The following TULP4 variants were observed in gnomAD, a reference collection of about 807,000 sequenced individuals.
TULP4 encodes tubby-related protein 4.
Under a neutral mutation model 129.0 loss-of-function variants are expected in TULP4, and 16 were observed. The observed-to-expected ratio is 0.12, with a 90% CI of 0.08 to 0.19. The LOEUF (loss-of-function observed/expected upper bound fraction) is 0.19, where lower values mean the gene tolerates loss of function less well. Among genes scored for constraint, TULP4 ranks in the 10% least tolerant of loss-of-function variants. TULP4 has a pLI of 1.00. For synonymous variants in TULP4, 998 were observed against 854.0 expected, an observed-to-expected ratio of 1.17 and a Z score of -2.94; for missense variants, 1,842 against 2,059.1, an observed-to-expected ratio of 0.89 and a Z score of 2.04.
Position 158,498,725 on chromosome 6 carries a change from C to T in TULP4, c.1927C>T (p.Pro643Ser). The change falls in exon 12 of 14, where the codon CCA becomes TCA. Residue 643 changes from proline to serine, a missense_variant. Transcript: ENST00000367097. Reference sequence around the variant, plus strand: ...GCCGCGGCAGATGACCATTTATCTCCCAGAAGTTCGGAAAATTTCCATGGA... The same window carrying T: ...GCCGCGGCAGATGACCATTTATCTCTCAGAAGTTCGGAAAATTTCCATGGA... ...LQPRQMTIYL[P>S]EVRKISMDYI... 1 of 1,614,176 alleles carries T rather than the reference C, an allele frequency of 6.2e-7. No individual in the cohort carries two copies. Among genetic ancestry groups the T allele is most frequent in the Non-Finnish European group, 8.5e-7 (1 of 1,180,032 alleles).
At position 158,354,909 on chromosome 6, in the gene TULP4, A is replaced by AC. The variant is rs1318771644; in HGVS notation, c.252+40641_252+40642insC. Among the ~76,000 whole-genome samples, 51 of 149,952 alleles carry AC rather than the reference A, an allele frequency of 3.4e-4. No individual in the cohort carries two copies. In the East Asian group the frequency reaches 7.2e-3, roughly 21 times the overall value. ...TCTCAAAAAAAAAAAAAAAACCAGAAAGCCCTCAAGATGCTCATTTGCTCA... is the reference window on the plus strand; with the variant it reads ...TCTCAAAAAAAAAAAAAAAACCAGAACAGCCCTCAAGATGCTCATTTGCTCA... On this transcript the variant is annotated intron_variant, in intron 1 of 13. Transcript: ENST00000367097.
intron 5 of TULP4, among the ~76,000 whole-genome samples, chr6:158,452,551 G>A (rs182448383): frequency 1.3e-5 from 2 of 152,342 alleles, no homozygotes; most frequent in East Asian, 3.9e-4. Context: ...CAGGTGTACA[G>A]GTATGTTTGC....
At chr6:158,402,129 T>C (rs983922917) in intron 1 of TULP4, among the ~76,000 whole-genome samples, 3 of 152,216 alleles carry the variant, frequency 2.0e-5, no homozygotes, top group African/African-American at 7.2e-5. Context: ...TGCTTTGAGC[T>C]TCTCAGAAGT....
At chr6:158,323,226 T>G (rs941158652) in intron 1 of TULP4, among the ~76,000 whole-genome samples, 3 of 152,176 alleles carry the variant, frequency 2.0e-5, no homozygotes, top group African/African-American at 7.2e-5. Flanking sequence ...TACTGTGAAA[T>G]GTTTGTGGTT....
chr6:158,399,793 A>G (rs933696408), intron 1 of TULP4, among the ~76,000 whole-genome samples: 1 of 152,226 alleles, frequency 6.6e-6, no homozygotes, highest in Admixed American at 6.5e-5. Context: ...GAATTCATAC[A>G]CATTTGTCTG....
intron 3 of TULP4, among the ~76,000 whole-genome samples, chr6:158,431,183 C>T (rs954346893): frequency 6.6e-6 from 1 of 152,062 alleles, no homozygotes; most frequent in Non-Finnish European, 1.5e-5. Context: ...TTACTACCCC[C>T]GAGTCTCAGA....
At chr6:158,425,447 A>T (rs1778460072) in intron 2 of TULP4, among the ~76,000 whole-genome samples, 1 of 123,216 alleles carries the variant, frequency 8.1e-6, no homozygotes, top group Non-Finnish European at 1.6e-5. Flanking sequence ...TGAGAGGTGG[A>T]GGTTGTGGTG....
intron 1 of TULP4, among the ~76,000 whole-genome samples, chr6:158,382,751 C>T (rs1024387520): frequency 2.6e-5 from 4 of 152,178 alleles, no homozygotes; most frequent in African/African-American, 9.7e-5. Flanking sequence ...CTTAGTAAGC[C>T]TGGAGAAATG....
chr6:158,401,054 TTG>T (rs771564575), intron 1 of TULP4, among the ~76,000 whole-genome samples: 8,049 of 49,084 alleles, frequency 0.16, 275 homozygotes, highest in Non-Finnish European at 0.24. Context: ...GGGTTTTTTG[TTG>T]TTGTTGTTGT....
At chr6:158,433,376 G>A (rs1778674629) in intron 3 of TULP4, among the ~76,000 whole-genome samples, 1 of 152,206 alleles carries the variant, frequency 6.6e-6, no homozygotes, top group Non-Finnish European at 1.5e-5. Context: ...AGTGTATAAT[G>A]TCTCATCCTA....
intron 6 of TULP4, among the ~76,000 whole-genome samples, chr6:158,470,077 T>G (rs1365930326): frequency 6.6e-6 from 1 of 152,188 alleles, no homozygotes; most frequent in Non-Finnish European, 1.5e-5. Context: ...TGGAACCCAG[T>G]GACTAGTGTT....
intron 1 of TULP4, among the ~76,000 whole-genome samples, chr6:158,404,922 C>T (rs766107150): frequency 6.6e-6 from 1 of 151,782 alleles, no homozygotes; most frequent in Non-Finnish European, 1.5e-5. Context: ...CGAATGAGAA[C>T]ATTTCATAGT....
chr6:158,341,115 G>A (rs1780171223), intron 1 of TULP4, among the ~76,000 whole-genome samples: 1 of 152,036 alleles, frequency 6.6e-6, no homozygotes, highest in Non-Finnish European at 1.5e-5. Context: ...TCTGGTAACT[G>A]TCATTCTACT....
intron 1 of TULP4, among the ~76,000 whole-genome samples, chr6:158,293,117 C>T (rs920267673): frequency 1.8e-4 from 27 of 152,210 alleles, no homozygotes; most frequent in African/African-American, 6.3e-4. Flanking sequence ...TCCATTCCCT[C>T]CTCTCTCTGT....
intron 1 of TULP4, among the ~76,000 whole-genome samples, chr6:158,302,249 T>G (rs1437358517): frequency 6.6e-6 from 1 of 152,232 alleles, no homozygotes; most frequent in Non-Finnish European, 1.5e-5. Context: ...GATAACGAGC[T>G]GCAGGCTCCT....
At chr6:158,498,594 T>G in intron 11 of TULP4, 75 bp from the exon 12 acceptor site, 25 of 1,584,584 alleles carry the variant, frequency 1.6e-5, no homozygotes, top group Non-Finnish European at 2.2e-5. Context: ...GCGCTCTTCT[T>G]CCTGTGACTC....
At chr6:158,402,885 G>A (rs562229860) in intron 1 of TULP4, among the ~76,000 whole-genome samples, 3 of 140,478 alleles carry the variant, frequency 2.1e-5, no homozygotes, top group Non-Finnish European at 4.6e-5. Context: ...GCTGGCTTTG[G>A]GAGTTTTTTT....
At position 158,334,145 on chromosome 6, in the gene TULP4, C is replaced by T. The variant is rs1002229620; in HGVS notation, c.252+19877C>T. ...CATGTATTTTTCCTCCTGTTTCGTGCAATACTGTAAACCTTGAATAACCAC... is the reference window on the plus strand; with the variant it reads ...CATGTATTTTTCCTCCTGTTTCGTGTAATACTGTAAACCTTGAATAACCAC... On this transcript the variant is annotated intron_variant, in intron 1 of 13. Coordinates refer to ENST00000367097, the MANE Select transcript of TULP4 (RefSeq NM_020245.5). 2.6e-5 allele frequency among the ~76,000 whole-genome samples: 4 copies of T among 152,166 alleles called. No individual in the cohort carries two copies. In the South Asian group the frequency reaches 8.3e-4, roughly 31 times the overall value.
chr6:158,331,733 G>GTATATA (rs373673911), intron 1 of TULP4, among the ~76,000 whole-genome samples: 1 of 13,286 alleles, frequency 7.5e-5, no homozygotes, highest in Non-Finnish European at 2.2e-4. Context: ...ACACACATAC[G>GTATATA]TATATATATA....
Sources: gnomAD v4.1 joint callset for allele counts (sites outside exome capture counted in the v4.1 genomes callset) on GRCh38, gnomAD v4.1.1 for gene constraint, MANE v1.5 for transcripts, NCBI Gene and HGNC (gene_info 2026-07-23, HGNC 2026-07-21) for gene names.